BRINP2: variants seen among roughly 807,000 people sequenced by gnomAD.
BRINP2 encodes the protein BMP/retinoic acid-inducible neural-specific protein 2.
BRINP2 carries 21 observed loss-of-function variants against 69.2 expected under a neutral mutation model. The observed-to-expected ratio is 0.30, with a 90% CI of 0.22 to 0.44. BRINP2 has a LOEUF of 0.44. BRINP2 is among the 20% of genes least tolerant of loss of function. The pLI is 1.00. For synonymous variants in BRINP2, 380 were observed against 394.1 expected, an observed-to-expected ratio of 0.96 and a Z score of 0.42; for missense variants, 877 against 986.0, an observed-to-expected ratio of 0.89 and a Z score of 1.48.
intron 5 of BRINP2, among the ~76,000 whole-genome samples, chr1:177,275,666 T>C (rs1335006937): frequency 6.6e-6 from 1 of 152,174 alleles, no homozygotes; most frequent in Non-Finnish European, 1.5e-5. Flanking sequence ...TCCTATCTCT[T>C]AACCAGGACA....
Position 177,238,210 on chromosome 1 carries a change from A to G in BRINP2, c.269+8065A>G, listed in dbSNP as rs540892304. Among the ~76,000 whole-genome samples the G allele has an allele frequency of 3.3e-5, 5 of 152,340 alleles. No homozygotes were observed. The East Asian group carries it at 9.6e-4, about 29-fold the overall frequency. The stretch of plus-strand genomic sequence containing the variant: ...ATTAGAAGTGGGCGAGGCCTGTGGT[A>G]TAGTAAAAAGTCTGGGTGAGAGGAG... On this transcript the variant is annotated intron_variant, in intron 2 of 7. Coordinates refer to ENST00000361539, the MANE Select transcript of BRINP2 (RefSeq NM_021165.4).
At chr1:177,263,552 T>G (rs1411344755) in intron 4 of BRINP2, among the ~76,000 whole-genome samples, 18 of 152,112 alleles carry the variant, frequency 1.2e-4, no homozygotes, top group African/African-American at 2.4e-5. Context: ...GTCCTCAGGG[T>G]CAGCTATATC....
intron 1 of BRINP2, among the ~76,000 whole-genome samples, chr1:177,214,693 A>G (rs1245129812): frequency 6.6e-6 from 1 of 152,238 alleles, no homozygotes; most frequent in African/African-American, 2.4e-5. Flanking sequence ...AGGCTAAATG[A>G]GAATCATCAG....
intron 1 of BRINP2, among the ~76,000 whole-genome samples, chr1:177,210,713 G>A (rs1027430177): frequency 6.6e-6 from 1 of 151,556 alleles, no homozygotes; most frequent in Non-Finnish European, 1.5e-5. Context: ...ACTCATATAG[G>A]TGAATCTATT....
At chr1:177,265,122 A>G (rs942813363) in intron 4 of BRINP2, among the ~76,000 whole-genome samples, 5 of 152,198 alleles carry the variant, frequency 3.3e-5, no homozygotes, top group African/African-American at 1.2e-4. Flanking sequence ...GACCAATGGA[A>G]CAGAACAGAG....
intron 1 of BRINP2, among the ~76,000 whole-genome samples, chr1:177,198,357 C>T: frequency 6.6e-6 from 1 of 152,140 alleles, no homozygotes; most frequent in East Asian, 1.9e-4. Context: ...TTCCCTTATG[C>T]CCTTGTATTG....
At chr1:177,259,405 G>A (rs1487968826) in intron 4 of BRINP2, among the ~76,000 whole-genome samples, 1 of 152,154 alleles carries the variant, frequency 6.6e-6, no homozygotes, top group Non-Finnish European at 1.5e-5. Context: ...ACAAGATGAA[G>A]CAGTAACTGC....
intron 1 of BRINP2, among the ~76,000 whole-genome samples, chr1:177,184,563 C>T (rs1421553672): frequency 6.6e-6 from 1 of 152,026 alleles, no homozygotes; most frequent in Non-Finnish European, 1.5e-5. Flanking sequence ...CAAGGTCCTA[C>T]AATGATGCGA....
chr1:177,228,644 A>G (rs543433583), intron 1 of BRINP2, among the ~76,000 whole-genome samples: 30 of 152,320 alleles, frequency 2.0e-4, no homozygotes, highest in African/African-American at 6.7e-4. Flanking sequence ...GTTGGAGGTC[A>G]TTCTGGCACA....
chr1:177,271,117 C>T (rs910290120), intron 4 of BRINP2, among the ~76,000 whole-genome samples: 1 of 152,182 alleles, frequency 6.6e-6, no homozygotes, highest in South Asian at 2.1e-4. Flanking sequence ...TATTCATCTG[C>T]GAGTTCCAAA....
intron 2 of BRINP2, among the ~76,000 whole-genome samples, chr1:177,249,782 G>A (rs1480528747): frequency 1.3e-5 from 2 of 152,216 alleles, no homozygotes; most frequent in Non-Finnish European, 2.9e-5. Context: ...CTGCCTTCCA[G>A]TATTGCCTCT....
At chr1:177,258,537 T>C (rs1650842712) in intron 4 of BRINP2, among the ~76,000 whole-genome samples, 1 of 152,244 alleles carries the variant, frequency 6.6e-6, no homozygotes, top group Admixed American at 6.5e-5. Flanking sequence ...GTTTGCTTCA[T>C]TGCATTTTGC....
chr1:177,187,147 A>G (rs1193778894), intron 1 of BRINP2, among the ~76,000 whole-genome samples: 1 of 152,200 alleles, frequency 6.6e-6, no homozygotes, highest in African/African-American at 2.4e-5. Flanking sequence ...TTGGAAAATC[A>G]GCCTTCCCAG....
At chr1:177,213,232 G>A (rs932635045) in intron 1 of BRINP2, among the ~76,000 whole-genome samples, 2 of 152,062 alleles carry the variant, frequency 1.3e-5, no homozygotes, top group Non-Finnish European at 2.9e-5. Context: ...AGCGTTTCTC[G>A]ATCTTAGCAC....
At chr1:177,215,233 T>A (rs1461703026) in intron 1 of BRINP2, among the ~76,000 whole-genome samples, 1 of 152,222 alleles carries the variant, frequency 6.6e-6, no homozygotes, top group Admixed American at 6.5e-5. Context: ...AATGAGAGAA[T>A]CTCTTCCCTT....
At chr1:177,265,355 G>T (rs1360452227) in intron 4 of BRINP2, among the ~76,000 whole-genome samples, 1 of 152,060 alleles carries the variant, frequency 6.6e-6, no homozygotes, top group Non-Finnish European at 1.5e-5. Context: ...GAAAACCTAG[G>T]CAATATAATC....
At position 177,254,691 on chromosome 1, in the gene BRINP2, CAA is replaced by C. The variant is rs34104005; in HGVS notation, c.270-1217_270-1216del. 1.5e-3 allele frequency among the ~76,000 whole-genome samples: 219 copies of C among 144,048 alleles called. 1 individual carries two copies. Among genetic ancestry groups the C allele is most frequent in the African/African-American group, 4.8e-3 (193 of 39,970 alleles). The allele number at this position is 144,048 out of a possible 152,430, so 94.5% of individuals were successfully genotyped here. On this transcript the variant is annotated intron_variant, in intron 2 of 7. Transcript: ENST00000361539. ...ACTTGAGTGTCTAGCAGGTGTTTCT[CAA>C]AAAAAAAAAATGAATTAAGCCAGAC... is the stretch of plus-strand genomic sequence containing the variant.
chr1:177,186,508 G>T (rs1032367900), intron 1 of BRINP2, among the ~76,000 whole-genome samples: 2 of 152,016 alleles, frequency 1.3e-5, no homozygotes, highest in African/African-American at 2.4e-5. Flanking sequence ...AGCAGTGTTT[G>T]GTCTCTTGTG....
intron 1 of BRINP2, among the ~76,000 whole-genome samples, chr1:177,181,260 G>A (rs1369251924): frequency 2.0e-5 from 3 of 152,156 alleles, no homozygotes; most frequent in Non-Finnish European, 4.4e-5. Flanking sequence ...TCAAAGTTTC[G>A]TGCTTTTTCC....
Sources: gnomAD v4.1 joint callset for allele counts (sites outside exome capture counted in the v4.1 genomes callset) on GRCh38, gnomAD v4.1.1 for gene constraint, MANE v1.5 for transcripts, NCBI Gene and HGNC (gene_info 2026-07-23, HGNC 2026-07-21) for gene names.